The following CSE1L variants were observed in gnomAD, a reference collection of about 807,000 sequenced individuals.
CSE1L encodes the protein exportin-2.
A neutral mutation model predicts 120.4 loss-of-function variants in CSE1L; 24 were observed. The observed-to-expected ratio is 0.20, with a 90% CI of 0.14 to 0.28. The LOEUF (loss-of-function observed/expected upper bound fraction) is 0.28. Ranked by LOEUF, CSE1L falls within the 10% of genes least tolerant of loss-of-function variation. The probability of loss-of-function intolerance (pLI) is 1.00; values close to 1 mark genes in which losing one functional copy is unlikely to be tolerated. For synonymous variants in CSE1L, 402 were observed against 398.3 expected (o/e 1.01, Z -0.11); for missense variants, 830 against 1,145.2 (o/e 0.72, Z 3.97).
At chr20:49,065,600 T>A (rs2091886473) in intron 3 of CSE1L, among the ~76,000 whole-genome samples, 1 of 131,364 alleles carries the variant, frequency 7.6e-6, no homozygotes, top group Non-Finnish European at 1.6e-5. Context: ...TTTTTTTTTT[T>A]TTTTTTTTTT....
chr20:49,055,827 G>C (rs977906118), intron 1 of CSE1L, among the ~76,000 whole-genome samples: 1 of 151,834 alleles, frequency 6.6e-6, no homozygotes, highest in South Asian at 2.1e-4. Context: ...ATCTATCACC[G>C]AGATGTTATC....
rs1230946022 is a variant in CSE1L, at chr20:49,072,348, C to G, written c.831C>G (p.Leu277=). ...CCCAGATTTGTGATAATGCCGCACTCTATGCACAAAAGTACGATGAAGAAT... is the reference window on the plus strand; with the variant it reads ...CCCAGATTTGTGATAATGCCGCACTGTATGCACAAAAGTACGATGAAGAAT... ...LKSQICDNAA[L]YAQKYDEEFQ... Residue 277 remains leucine (L), a synonymous_variant, in exon 9 of 25, where the codon CTC becomes CTG. Coordinates refer to ENST00000262982, the MANE Select transcript of CSE1L (RefSeq NM_001316.4). The G allele has an allele frequency of 1.9e-6, 3 of 1,614,144 alleles. No individual in the cohort carries two copies. The highest frequency in any genetic ancestry group is 1.1e-5 in the South Asian group (1 of 91,086).
chr20:49,062,934 T>C (rs955374584), intron 2 of CSE1L, among the ~76,000 whole-genome samples: 1 of 151,970 alleles, frequency 6.6e-6, no homozygotes, highest in Non-Finnish European at 1.5e-5. Flanking sequence ...CTCTTGCAGA[T>C]GAGATGATCA....
chr20:49,086,283 A>G (rs980316370), intron 16 of CSE1L, among the ~76,000 whole-genome samples: 1 of 151,190 alleles, frequency 6.6e-6, no homozygotes, highest in African/African-American at 2.4e-5. Flanking sequence ...GGATGTGTGT[A>G]TCTGGGTGTA....
At chr20:49,083,907 T>C in intron 14 of CSE1L, 119 bp from the exon 15 acceptor site, 10 of 1,045,324 alleles carry the variant, frequency 9.6e-6, no homozygotes, top group South Asian at 1.7e-5. Flanking sequence ...TCTCCTATTA[T>C]AACAGAGCTT....
intron 13 of CSE1L, among the ~76,000 whole-genome samples, chr20:49,077,777 G>A (rs529517216): frequency 1.2e-4 from 18 of 152,206 alleles, no homozygotes; most frequent in African/African-American, 4.3e-4. Flanking sequence ...AGACTGAGGC[G>A]GGAGGATCGT....
chr20:49,055,685 G>A (rs1429569514), intron 1 of CSE1L, among the ~76,000 whole-genome samples: 1 of 152,070 alleles, frequency 6.6e-6, no homozygotes, highest in Non-Finnish European at 1.5e-5. Context: ...TGCCCCTGCA[G>A]TCCAACCTGG....
intron 3 of CSE1L, among the ~76,000 whole-genome samples, chr20:49,065,171 G>C (rs575784967): frequency 1.4e-5 from 2 of 144,336 alleles, no homozygotes; most frequent in East Asian, 4.1e-4. Flanking sequence ...AAAAAAAAAA[G>C]AATAAAAAAA....
At position 49,078,574 on chromosome 20, in the gene CSE1L, T is replaced by C. The variant is rs1160362955; in HGVS notation, c.1434T>C (p.Pro478=). The C allele has an allele frequency of 1.3e-6, 2 of 1,576,522 alleles. No homozygotes were observed. Among genetic ancestry groups the C allele is most frequent in the Non-Finnish European group, 1.7e-6 (2 of 1,161,512 alleles). ...DLKSANVNEF[P]VLKADGIKYI... Reference sequence around the variant, plus strand: ...TTTTTTATATAGTGAATGAATTTCCTGTCCTTAAAGCTGACGGTATCAAAT... The same window carrying C: ...TTTTTTATATAGTGAATGAATTTCCCGTCCTTAAAGCTGACGGTATCAAAT... The change falls in exon 14 of 25, where the codon CCT becomes CCC. Residue 478 remains proline, a synonymous_variant. Coordinates refer to ENST00000262982, the MANE Select transcript of CSE1L (RefSeq NM_001316.4).
chr20:49,096,103 A>G (rs566489272), intron 24 of CSE1L: 2 of 660,628 alleles, frequency 3.0e-6, no homozygotes, highest in East Asian at 2.9e-5. Context: ...ATTAACCAGT[A>G]AGGACTTTTT....
At chr20:49,095,766 GC>G (rs1411476214) in intron 24 of CSE1L, among the ~76,000 whole-genome samples, 1 of 152,056 alleles carries the variant, frequency 6.6e-6, no homozygotes, top group East Asian at 1.9e-4. Context: ...AGTGGTTTAT[GC>G]CTGTAGTTCT....
At chr20:49,092,764 T>C (rs1283235305) in intron 22 of CSE1L, among the ~76,000 whole-genome samples, 2 of 151,924 alleles carry the variant, frequency 1.3e-5, no homozygotes, top group Non-Finnish European at 2.9e-5. Flanking sequence ...CATGTATACA[T>C]ATGTAACAAA....
chr20:49,085,016 T>C (rs1382127894), intron 15 of CSE1L, among the ~76,000 whole-genome samples: 1 of 152,208 alleles, frequency 6.6e-6, no homozygotes, highest in Non-Finnish European at 1.5e-5. Flanking sequence ...GTAATAGATA[T>C]AAACCAGGGA....
At position 49,075,308 on chromosome 20, in the gene CSE1L, C is replaced by T. The variant is rs368557234; in HGVS notation, c.1133-10C>T. On this transcript the variant is annotated splice_polypyrimidine_tract_variant and intron_variant, in intron 11 of 24. Transcript: ENST00000262982. ...TTTTCCCCATAATATATTTTCTTTT[C>T]ATTTCATAGATATTGATACTAGACG... is the stretch of plus-strand genomic sequence containing the variant. 1.2e-6 allele frequency: 2 copies of T among 1,600,196 alleles called. No homozygotes were observed. The highest frequency in any genetic ancestry group is 1.7e-6 in the Non-Finnish European group (2 of 1,171,838).
chr20:49,090,424 C>T (rs953529651), intron 19 of CSE1L, among the ~76,000 whole-genome samples: 20 of 152,042 alleles, frequency 1.3e-4, no homozygotes, highest in African/African-American at 3.9e-4. Flanking sequence ...GGTGTGGTGG[C>T]ACGTGCCTGT....
In CSE1L at chr20:49,067,185, T is replaced by C; in HGVS notation, c.477-5T>C. 1.3e-6 allele frequency: 2 copies of C among 1,586,914 alleles called. No individual in the cohort carries two copies. Among genetic ancestry groups the C allele is most frequent in the South Asian group, 2.3e-5 (2 of 87,798 alleles). On this transcript the variant is annotated splice_polypyrimidine_tract_variant and splice_region_variant and intron_variant, in intron 5 of 24. Coordinates refer to ENST00000262982, the MANE Select transcript of CSE1L (RefSeq NM_001316.4). ...AAATTTATCTGTTTTACCTTAATTT[T>C]CTAGATACCGTCATGAATTTAAGTC...
Position 49,084,117 on chromosome 20 carries a change from C to T in CSE1L, c.1574C>T (p.Ala525Val), listed in dbSNP as rs1450370847. 1 of 1,614,108 alleles carries T rather than the reference C, an allele frequency of 6.2e-7. No homozygotes were observed. Among genetic ancestry groups the T allele is most frequent in the South Asian group, 1.1e-5 (1 of 91,084 alleles). ...SIVVHTYAAH[A>V]LERLFTMRGP... The stretch of plus-strand genomic sequence containing the variant: ...GTTGTTCATACTTACGCAGCTCATG[C>T]TCTTGAACGGCTCTTTACTATGCGA... Residue 525 changes from alanine (A) to valine (V), a missense_variant, in exon 15 of 25, where the codon GCT becomes GTT. Physicochemically the swap from Ala to Val is moderately conservative, Grantham distance 64. Transcript: ENST00000262982.
intron 14 of CSE1L, among the ~76,000 whole-genome samples, chr20:49,080,476 T>G (rs2092003206): frequency 6.6e-6 from 1 of 152,122 alleles, no homozygotes; most frequent in Non-Finnish European, 1.5e-5. Flanking sequence ...TTTTAAAAAT[T>G]GAGATATACT....
intron 6 of CSE1L, 106 bp from the exon 7 acceptor site, chr20:49,068,609 A>T: frequency 1.3e-6 from 1 of 765,544 alleles, no homozygotes; most frequent in Non-Finnish European, 2.2e-6. Context: ...AAAAAAATAA[A>T]TAAGTAAAAT....
Sources: gnomAD v4.1 joint callset for allele counts (sites outside exome capture counted in the v4.1 genomes callset) on GRCh38, gnomAD v4.1.1 for gene constraint, MANE v1.5 for transcripts, NCBI Gene and HGNC (gene_info 2026-07-23, HGNC 2026-07-21) for gene names.